Variants in CPVL observed in about 807,000 individuals in gnomAD.
CPVL encodes the protein carboxypeptidase vitellogenic like.
A neutral mutation model predicts 63.7 loss-of-function variants in CPVL; 51 were observed. That is an observed-to-expected ratio of 0.80 (90% CI 0.64 to 1.01). The LOEUF is 1.01. CPVL is among the 50% of genes least tolerant of loss of function. CPVL has a pLI of 0.00. For missense variants in CPVL, 530 were observed against 573.1 expected, an observed-to-expected ratio of 0.92 and a Z score of 0.77; for synonymous variants, 195 against 206.0, an observed-to-expected ratio of 0.95 and a Z score of 0.46.
Position 29,049,572 on chromosome 7 carries a change from A to G in CPVL, c.1137+14489T>C, listed in dbSNP as rs1246536887. ...CCAGAACCAGATAGATTTACACAGA[A>G]TTCTGCCAGACATTCAAAGAAGAAT... On this transcript the variant is annotated intron_variant, in intron 11 of 12. Coordinates refer to ENST00000265394, the MANE Select transcript of CPVL (RefSeq NM_031311.5). Among the ~76,000 whole-genome samples, 4 of 152,230 alleles carry G rather than the reference A, an allele frequency of 2.6e-5. No homozygotes were observed. The East Asian group carries it at 5.8e-4, about 22-fold the overall frequency.
chr7:29,190,991 G>A (rs1369760858), intron 1 of CPVL, among the ~76,000 whole-genome samples: 1 of 151,880 alleles, frequency 6.6e-6, no homozygotes, highest in Non-Finnish European at 1.5e-5. Flanking sequence ...CTGGGGTGCA[G>A]TGGCATCAAC....
chr7:29,092,314 A>G (rs1785899910), intron 6 of CPVL, among the ~76,000 whole-genome samples: 1 of 152,186 alleles, frequency 6.6e-6, no homozygotes, highest in South Asian at 2.1e-4. Context: ...TCCAAAAGCC[A>G]CGAAAAGAAG....
chr7:29,110,913 C>T (rs928567564), intron 3 of CPVL, among the ~76,000 whole-genome samples: 4 of 152,154 alleles, frequency 2.6e-5, no homozygotes, highest in African/African-American at 9.7e-5. Flanking sequence ...ACTCAGGCTG[C>T]CTTTGCAGGC....
intron 1 of CPVL, among the ~76,000 whole-genome samples, chr7:29,138,120 C>T (rs1001923051): frequency 6.6e-6 from 1 of 152,038 alleles, no homozygotes; most frequent in Non-Finnish European, 1.5e-5. Context: ...GTAATAATAG[C>T]GTGGAGAGGG....
chr7:29,141,717 C>T (rs999990394), intron 1 of CPVL, among the ~76,000 whole-genome samples: 1 of 151,990 alleles, frequency 6.6e-6, no homozygotes, highest in Non-Finnish European at 1.5e-5. Context: ...GAGATGGAGA[C>T]CATCCTGGCC....
chr7:29,182,143 C>G (rs1798140113), intron 4 of CPVL, among the ~76,000 whole-genome samples: 4 of 152,186 alleles, frequency 2.6e-5, no homozygotes. Flanking sequence ...CTGTCTTCCT[C>G]TTAATGAAAA....
chr7:29,192,664 T>G (rs967964792), intron 1 of CPVL: 2 of 152,236 alleles, frequency 1.3e-5, no homozygotes, highest in Non-Finnish European at 2.9e-5. Context: ...ACTGTAGCTT[T>G]CCACATAGCA....
chr7:29,075,519 T>TAAAAAAAAAAAAAAAAAAAAAA lies in CPVL; in HGVS notation c.610-3097_610-3096insTTTTTTTTTTTTTTTTTTTTTT, dbSNP rs10658501. Among the ~76,000 whole-genome samples the TAAAAAAAAAAAAAAAAAAAAAA allele has an allele frequency of 1.5e-4, 19 of 128,978 alleles. 9 individuals carry two copies. The highest frequency in any genetic ancestry group is 1.7e-4 in the Admixed American group (2 of 12,082). The allele number at this position is 128,978 out of a possible 152,430, so 84.6% of individuals were successfully genotyped here. On this transcript the variant is annotated intron_variant, in intron 7 of 12. Coordinates refer to ENST00000265394, the MANE Select transcript of CPVL (RefSeq NM_031311.5). ...TCTTTTCTATTGAGAAGATACTTCT[T>TAAAAAAAAAAAAAAAAAAAAAA]AAAAAAAAAAAAAAAAAAGCCATCA...
intron 5 of CPVL, among the ~76,000 whole-genome samples, chr7:29,160,392 C>T (rs923963241): frequency 3.3e-5 from 5 of 152,150 alleles, no homozygotes; most frequent in African/African-American, 1.2e-4. Flanking sequence ...CCATGTCATT[C>T]CCCTTCCTGT....
At chr7:29,159,514 T>C (rs1794891381) in intron 5 of CPVL, among the ~76,000 whole-genome samples, 1 of 152,220 alleles carries the variant, frequency 6.6e-6, no homozygotes. Context: ...TTTTATCATG[T>C]AACATGTATG....
chr7:28,996,541 C>CCAAAAAA (rs1784079202), intron 12 of CPVL, among the ~76,000 whole-genome samples: 1 of 145,386 alleles, frequency 6.9e-6, no homozygotes, highest in African/African-American at 2.5e-5. Flanking sequence ...AAAAAAAAAA[C>CCAAAAAA]CAAAAAACAA....
Position 29,095,097 on chromosome 7 carries a change from T to C in CPVL, c.449A>G (p.Tyr150Cys). ...TCCCGGACTTACTGGATTGTCAATG[T>C]AAAGCATGGAGAGCGTTGTGGTCCA... The part of the protein sequence containing the change: ...FPWTTTLSML[Y>C]IDNPVGTGFS... The change falls in exon 5 of 13, where the codon TAC becomes TGC. Residue 150 changes from tyrosine (Y) to cysteine (C), a missense_variant. Physicochemically the swap from Tyr to Cys is radical, Grantham distance 194. Transcript: ENST00000265394. The C allele has an allele frequency of 6.2e-7, 1 of 1,613,898 alleles. No individual in the cohort carries two copies. Among genetic ancestry groups the C allele is most frequent in the Non-Finnish European group, 8.5e-7 (1 of 1,179,764 alleles).
chr7:29,081,915 C>A (rs6960753), intron 7 of CPVL, among the ~76,000 whole-genome samples: 16,530 of 152,206 alleles, frequency 0.11, 2,996 homozygotes, highest in African/African-American at 0.38. Context: ...AGGTTCTGAA[C>A]AGCTGCTCCA....
At chr7:29,140,392 A>C (rs1215066757) in intron 1 of CPVL, among the ~76,000 whole-genome samples, 1 of 152,218 alleles carries the variant, frequency 6.6e-6, no homozygotes, top group Non-Finnish European at 1.5e-5. Flanking sequence ...AGGGTGAGAC[A>C]CTTTGCTAAA....
At chr7:29,140,101 A>AC (rs1316739896) in intron 1 of CPVL, among the ~76,000 whole-genome samples, 1 of 151,896 alleles carries the variant, frequency 6.6e-6, no homozygotes, top group East Asian at 1.9e-4. Flanking sequence ...CAACCTACCT[A>AC]CCCTCCCTCA....
intron 12 of CPVL, chr7:28,996,203 A>G (rs1314511591): frequency 4.6e-6 from 1 of 217,108 alleles, no homozygotes; most frequent in Non-Finnish European, 9.0e-6. Context: ...AGAGTGCTGC[A>G]CTGCAAGTGT....
At chr7:29,140,856 G>A (rs1363079877) in intron 1 of CPVL, among the ~76,000 whole-genome samples, 2 of 152,204 alleles carry the variant, frequency 1.3e-5, no homozygotes, top group African/African-American at 2.4e-5. Flanking sequence ...AAATGCATAA[G>A]TGAAAATAGA....
At chr7:29,010,748 T>C (rs2128134494) in intron 12 of CPVL, 1 of 152,302 alleles carries the variant, frequency 6.6e-6, no homozygotes, top group South Asian at 2.1e-4. Context: ...GAGAGCTCCC[T>C]AATGGCAATA....
At chr7:29,021,220 A>T (rs1786938997) in intron 12 of CPVL, among the ~76,000 whole-genome samples, 1 of 152,154 alleles carries the variant, frequency 6.6e-6, no homozygotes. Context: ...GAAATTTTGG[A>T]TGAAATAGAC....
Sources: allele counts gnomAD v4.1 joint callset (sites outside exome capture counted in the v4.1 genomes callset), GRCh38; gene constraint gnomAD v4.1.1; transcripts MANE v1.5; gene names NCBI Gene and HGNC (gene_info 2026-07-23, HGNC 2026-07-21).